Variants in RARB observed in about 807,000 individuals in gnomAD.
The protein encoded by RARB is HBV-activated protein.
A neutral mutation model predicts 51.9 loss-of-function variants in RARB; 17 were observed. That is an observed-to-expected ratio of 0.33 (90% CI 0.22 to 0.49). The LOEUF is 0.49. RARB is among the 20% of genes least tolerant of loss of function. The pLI is 0.99. For synonymous variants in RARB, 215 were observed against 195.4 expected, an observed-to-expected ratio of 1.10 and a Z score of -0.84; for missense variants, 369 against 550.8, an observed-to-expected ratio of 0.67 and a Z score of 3.30.
At chr3:24,964,676 G>A (rs763231435) in intron 2 of RARB, among the ~76,000 whole-genome samples, 1 of 152,162 alleles carries the variant, frequency 6.6e-6, no homozygotes, top group African/African-American at 2.4e-5. Context: ...GAAGTTGGGA[G>A]TAACGAACCA....
intron 1 of RARB, among the ~76,000 whole-genome samples, chr3:24,848,272 A>G (rs911315869): frequency 6.6e-6 from 1 of 152,110 alleles, no homozygotes; most frequent in South Asian, 2.1e-4. Context: ...TGTTGCCCAG[A>G]CTAGTCTTGA....
intron 2 of RARB, among the ~76,000 whole-genome samples, chr3:25,051,909 C>G (rs1282744856): frequency 6.6e-6 from 1 of 152,148 alleles, no homozygotes; most frequent in East Asian, 1.9e-4. Flanking sequence ...AAGACTTTCT[C>G]ACAAAAGCTA....
intron 3 of RARB, among the ~76,000 whole-genome samples, chr3:25,516,466 A>G (rs1698165848): frequency 6.6e-6 from 1 of 152,096 alleles, no homozygotes; most frequent in East Asian, 1.9e-4. Context: ...TGATTCATTC[A>G]TTAAAGGGAA....
intron 5 of RARB, among the ~76,000 whole-genome samples, chr3:25,336,056 C>T (rs1230533326): frequency 1.5e-4 from 22 of 150,430 alleles, no homozygotes; most frequent in Admixed American, 8.6e-4. Flanking sequence ...AGAAGACACC[C>T]CCACTGGGGA....
intron 1 of RARB, 131 bp from the exon 2 acceptor site, chr3:25,461,062 T>G (rs1695154787): frequency 9.2e-7 from 1 of 1,082,946 alleles, no homozygotes; most frequent in African/African-American, 1.6e-5. Context: ...ATGACAGCTG[T>G]TTTTATGAGC....
At chr3:24,996,049 T>G (rs773096179) in intron 2 of RARB, among the ~76,000 whole-genome samples, 3 of 152,138 alleles carry the variant, frequency 2.0e-5, no homozygotes, top group Non-Finnish European at 4.4e-5. Flanking sequence ...AATTGTTCTT[T>G]AAAAGTTCAG....
At chr3:24,969,005 A>G (rs1040850126) in intron 2 of RARB, among the ~76,000 whole-genome samples, 17 of 152,114 alleles carry the variant, frequency 1.1e-4, no homozygotes, top group African/African-American at 4.1e-4. Context: ...CCTTAGAGTA[A>G]GACTTTCTAC....
At chr3:24,874,225 T>G (rs1053734956) in intron 2 of RARB, among the ~76,000 whole-genome samples, 2 of 152,026 alleles carry the variant, frequency 1.3e-5, no homozygotes, top group African/African-American at 4.8e-5. Context: ...TACTGATTCT[T>G]TGAAATTGGT....
chr3:24,858,278 T>G (rs551931213), intron 1 of RARB, among the ~76,000 whole-genome samples: 2 of 152,284 alleles, frequency 1.3e-5, no homozygotes, highest in South Asian at 4.1e-4. Context: ...TAGCAGAACT[T>G]TTATCCAATC....
At chr3:25,547,837 T>C (rs572916667) in intron 3 of RARB, among the ~76,000 whole-genome samples, 1 of 152,356 alleles carries the variant, frequency 6.6e-6, no homozygotes, top group South Asian at 2.1e-4. Flanking sequence ...AAAGTCATTG[T>C]ATCCTTTTTT....
chr3:24,952,708 C>G (rs1467311985), intron 2 of RARB, among the ~76,000 whole-genome samples: 1 of 152,072 alleles, frequency 6.6e-6, no homozygotes, highest in Non-Finnish European at 1.5e-5. Flanking sequence ...TTTCAAAGCT[C>G]TCGCTCCCCC....
At chr3:25,240,649 G>A (rs1702409654) in intron 5 of RARB, among the ~76,000 whole-genome samples, 1 of 152,160 alleles carries the variant, frequency 6.6e-6, no homozygotes, top group Non-Finnish European at 1.5e-5. Context: ...AGTTACATAT[G>A]TGGAGACATT....
At chr3:25,153,770 G>A (rs1354899225) in intron 4 of RARB, among the ~76,000 whole-genome samples, 5 of 152,148 alleles carry the variant, frequency 3.3e-5, no homozygotes, top group African/African-American at 1.2e-4. Context: ...AACTTGCCCA[G>A]CCCTGTTTTG....
intron 2 of RARB, among the ~76,000 whole-genome samples, chr3:24,962,538 G>A (rs1696164119): frequency 6.6e-6 from 1 of 152,260 alleles, no homozygotes; most frequent in Middle Eastern, 3.4e-3. Context: ...TGGCCTTTAG[G>A]AACTAGGCCG....
intron 4 of RARB, among the ~76,000 whole-genome samples, chr3:25,158,325 ATAT>A (rs1700411833): frequency 6.6e-6 from 1 of 152,342 alleles, no homozygotes; most frequent in Non-Finnish European, 1.5e-5. Flanking sequence ...TCACTTAGAA[ATAT>A]TATTTTTCAA....
chr3:24,857,573 C>T lies in RARB; in HGVS notation c.-458-1101C>T, dbSNP rs548143567. On this transcript the variant is annotated intron_variant, in intron 1 of 11. Coordinates refer to the RARB transcript ENST00000383772. ...GAAATTCAAATTCAACTCAGCATCC[C>T]GTATTTTTACTTGTAAATTCTGCCA... Among the ~76,000 whole-genome samples the T allele has an allele frequency of 2.6e-5, 4 of 152,224 alleles. No individual in the cohort carries two copies. In the East Asian group the frequency reaches 5.8e-4, roughly 22 times the overall value.
chr3:25,033,462 C>G (rs1043093022), intron 2 of RARB, among the ~76,000 whole-genome samples: 26 of 152,170 alleles, frequency 1.7e-4, no homozygotes, highest in African/African-American at 2.4e-5. Context: ...ACAAGCACCT[C>G]CAGTCCCTGA....
At chr3:24,878,858 C>T (rs1703101677) in intron 2 of RARB, among the ~76,000 whole-genome samples, 1 of 152,116 alleles carries the variant, frequency 6.6e-6, no homozygotes, top group South Asian at 2.1e-4. Context: ...TTACTGTCTC[C>T]TGCCTATAGA....
intron 1 of RARB, among the ~76,000 whole-genome samples, chr3:25,449,420 G>T (rs906426507): frequency 2.0e-5 from 3 of 151,854 alleles, no homozygotes; most frequent in African/African-American, 7.3e-5. Flanking sequence ...TCTTTCTTTT[G>T]AATTTTCCAG....
Sources: gnomAD v4.1 joint callset for allele counts (sites outside exome capture counted in the v4.1 genomes callset) on GRCh38, gnomAD v4.1.1 for gene constraint, MANE v1.5 for transcripts, NCBI Gene and HGNC (gene_info 2026-07-23, HGNC 2026-07-21) for gene names.